The following COL8A1 variants were observed in gnomAD, a reference collection of about 807,000 sequenced individuals.
The protein encoded by COL8A1 is collagen type VIII alpha 1 chain.
COL8A1 carries 21 observed loss-of-function variants against 42.7 expected under a neutral mutation model. The observed-to-expected ratio is 0.49, with a 90% CI of 0.35 to 0.71. The LOEUF (loss-of-function observed/expected upper bound fraction) is 0.71. Ranked by LOEUF, COL8A1 falls within the 30% of genes least tolerant of loss-of-function variation. The probability of loss-of-function intolerance (pLI) is 0.01; values close to 1 mark genes in which losing one functional copy is unlikely to be tolerated. For missense variants in COL8A1, 788 were observed against 962.4 expected (o/e 0.82, Z 2.40); for synonymous variants, 367 against 369.1 (o/e 0.99, Z 0.06).
intron 1 of COL8A1, among the ~76,000 whole-genome samples, chr3:99,653,674 G>A (rs760720160): frequency 2.0e-5 from 3 of 150,896 alleles, no homozygotes; most frequent in Admixed American, 6.7e-5. Flanking sequence ...ACCTCATCCC[G>A]TGAGTTTCTG....
chr3:99,737,463 T>C (rs1456059742), intron 1 of COL8A1, among the ~76,000 whole-genome samples: 1 of 152,132 alleles, frequency 6.6e-6, no homozygotes, highest in South Asian at 2.1e-4. Context: ...CTGTAAAGTA[T>C]TTTATTTCTC....
chr3:99,682,111 C>A (rs1938899583), intron 1 of COL8A1, among the ~76,000 whole-genome samples: 1 of 152,116 alleles, frequency 6.6e-6, no homozygotes, highest in South Asian at 2.1e-4. Flanking sequence ...TCTCTACCAA[C>A]TGTGAAATAA....
At chr3:99,738,977 A>G (rs1032881400) in intron 1 of COL8A1, among the ~76,000 whole-genome samples, 1 of 151,944 alleles carries the variant, frequency 6.6e-6, no homozygotes, top group African/African-American at 2.4e-5. Flanking sequence ...GGTGGGAGTG[A>G]CCCAATTTTC....
intron 1 of COL8A1, among the ~76,000 whole-genome samples, chr3:99,648,830 A>T (rs1445514739): frequency 6.6e-6 from 1 of 152,186 alleles, no homozygotes; most frequent in Non-Finnish European, 1.5e-5. Flanking sequence ...CCAGATGATG[A>T]CAGTAAACAT....
chr3:99,714,378 G>T (rs1939931037), intron 1 of COL8A1, among the ~76,000 whole-genome samples: 1 of 150,584 alleles, frequency 6.6e-6, no homozygotes, highest in South Asian at 2.1e-4. Flanking sequence ...CTGGAAGGCA[G>T]CAATTTCTGA....
chr3:99,684,992 T>C (rs569428756), intron 1 of COL8A1, among the ~76,000 whole-genome samples: 43 of 152,246 alleles, frequency 2.8e-4, no homozygotes, highest in Non-Finnish European at 6.0e-4. Flanking sequence ...AACTATGCTA[T>C]TCATAAAGTA....
At chr3:99,781,077 G>A (rs1941785510) in intron 2 of COL8A1, among the ~76,000 whole-genome samples, 2 of 152,156 alleles carry the variant, frequency 1.3e-5, no homozygotes, top group South Asian at 2.1e-4. Context: ...TGAGCCCCAG[G>A]TTTAGAACTA....
At chr3:99,686,193 T>C (rs1939046491) in intron 1 of COL8A1, among the ~76,000 whole-genome samples, 1 of 152,166 alleles carries the variant, frequency 6.6e-6, no homozygotes, top group Non-Finnish European at 1.5e-5. Flanking sequence ...AATAGAACCA[T>C]TTTTTACCAT....
At position 99,640,706 on chromosome 3, in the gene COL8A1, G is replaced by A. The variant is rs138804179; in HGVS notation, c.-129+2042G>A. 9.0e-4 allele frequency among the ~76,000 whole-genome samples: 137 copies of A among 152,294 alleles called. 1 individual carries two copies. The highest frequency in any genetic ancestry group is 2.2e-3 in the African/African-American group (91 of 41,570). ...TGCTCATGATCTAAGTTTCCCAGGA[G>A]CAAAGCTATCCTTTCTCCATAGGGT... On this transcript the variant is annotated intron_variant, in intron 1 of 3. Coordinates refer to ENST00000652472, the MANE Select transcript of COL8A1 (RefSeq NM_020351.4).
intron 1 of COL8A1, among the ~76,000 whole-genome samples, chr3:99,657,345 C>A (rs1316054481): frequency 1.3e-5 from 2 of 152,158 alleles, no homozygotes. Flanking sequence ...TAGCATGCAC[C>A]TGACTTCTTA....
intron 2 of COL8A1, among the ~76,000 whole-genome samples, chr3:99,767,736 A>T (rs1941491158): frequency 1.3e-5 from 2 of 152,158 alleles, no homozygotes; most frequent in Non-Finnish European, 2.9e-5. Context: ...CTGCCACTGA[A>T]CCTCTGAGTC....
At chr3:99,771,642 T>C (rs552349120) in intron 2 of COL8A1, among the ~76,000 whole-genome samples, 2 of 152,340 alleles carry the variant, frequency 1.3e-5, no homozygotes, top group Admixed American at 6.5e-5. Flanking sequence ...GCTAGTTTTG[T>C]GATGTTAATT....
At chr3:99,711,492 A>G (rs913177326) in intron 1 of COL8A1, among the ~76,000 whole-genome samples, 2 of 152,174 alleles carry the variant, frequency 1.3e-5, no homozygotes, top group Non-Finnish European at 2.9e-5. Context: ...CTGCAAAACC[A>G]ATGTCAGTTC....
chr3:99,773,229 C>T (rs906477651), intron 2 of COL8A1, among the ~76,000 whole-genome samples: 4 of 152,122 alleles, frequency 2.6e-5, no homozygotes, highest in African/African-American at 9.7e-5. Flanking sequence ...ACAGTCTAAG[C>T]CCTCACAAAA....
chr3:99,792,246 T>C (rs1475698908), intron 3 of COL8A1, among the ~76,000 whole-genome samples: 2 of 152,264 alleles, frequency 1.3e-5, no homozygotes, highest in African/African-American at 4.8e-5. Context: ...CTTTATTGAA[T>C]GGCTTGCCTT....
chr3:99,729,649 T>A (rs775960172), intron 1 of COL8A1, among the ~76,000 whole-genome samples: 2 of 152,054 alleles, frequency 1.3e-5, no homozygotes, highest in Non-Finnish European at 2.9e-5. Flanking sequence ...TAGAAATGGA[T>A]GTCATAATCC....
At chr3:99,663,092 AG>A (rs1190234906) in intron 1 of COL8A1, among the ~76,000 whole-genome samples, 4 of 152,208 alleles carry the variant, frequency 2.6e-5, no homozygotes, top group African/African-American at 9.7e-5. Flanking sequence ...AGAATGACTA[AG>A]TATTCCTCAA....
intron 2 of COL8A1, among the ~76,000 whole-genome samples, chr3:99,783,120 G>A (rs1005176109): frequency 6.6e-6 from 1 of 152,134 alleles, no homozygotes. Flanking sequence ...CTTACAGTTC[G>A]GCAGAAGAGA....
At chr3:99,742,931 C>A (rs1451909362) in intron 1 of COL8A1, among the ~76,000 whole-genome samples, 1 of 152,120 alleles carries the variant, frequency 6.6e-6, no homozygotes, top group Non-Finnish European at 1.5e-5. Flanking sequence ...ATCTTATTGT[C>A]TAATGCAGTT....
Sources: allele counts gnomAD v4.1 joint callset (sites outside exome capture counted in the v4.1 genomes callset), GRCh38; gene constraint gnomAD v4.1.1; transcripts MANE v1.5; gene names NCBI Gene and HGNC (gene_info 2026-07-23, HGNC 2026-07-21).